The following CNTNAP2 variants were observed in gnomAD, a reference collection of about 807,000 sequenced individuals.
The protein encoded by CNTNAP2 is contactin associated protein 2.
A neutral mutation model predicts 155.2 loss-of-function variants in CNTNAP2; 98 were observed. That is an observed-to-expected ratio of 0.63 (90% CI 0.54 to 0.75). CNTNAP2 has a LOEUF of 0.75. Ranked by LOEUF, CNTNAP2 falls within the 30% of genes least tolerant of loss-of-function variation. The pLI, the probability that CNTNAP2 is intolerant of heterozygous loss-of-function variation, is 0.00. For synonymous variants in CNTNAP2, 651 were observed against 631.2 expected, an observed-to-expected ratio of 1.03 and a Z score of -0.47; for missense variants, 1,727 against 1,688.1, an observed-to-expected ratio of 1.02 and a Z score of -0.40.
At chr7:146,916,869 G>T (rs977965866) in intron 3 of CNTNAP2, among the ~76,000 whole-genome samples, 11 of 152,036 alleles carry the variant, frequency 7.2e-5, no homozygotes, top group African/African-American at 2.4e-4. Context: ...GTTTGGGTTT[G>T]GTTTGTTCTT....
chr7:147,625,966 T>A (rs145756459), intron 12 of CNTNAP2, among the ~76,000 whole-genome samples: 2 of 152,078 alleles, frequency 1.3e-5, no homozygotes, highest in Non-Finnish European at 2.9e-5. Context: ...ACATGAAATA[T>A]AAAAGTAGAA....
intron 13 of CNTNAP2, among the ~76,000 whole-genome samples, chr7:147,654,247 G>T (rs1240437715): frequency 6.6e-6 from 1 of 152,068 alleles, no homozygotes; most frequent in Non-Finnish European, 1.5e-5. Flanking sequence ...ATGGCCAAAA[G>T]GTAGATTAAT....
chr7:146,190,287 G>A (rs7811486), intron 1 of CNTNAP2, among the ~76,000 whole-genome samples: 44,006 of 152,094 alleles, frequency 0.29, 7,210 homozygotes, highest in African/African-American at 0.44. Context: ...CTCTTTCCCT[G>A]TTCTGGGCTT....
chr7:146,732,643 C>G (rs1801545867), intron 1 of CNTNAP2, among the ~76,000 whole-genome samples: 1 of 152,050 alleles, frequency 6.6e-6, no homozygotes, highest in African/African-American at 2.4e-5. Flanking sequence ...GGCCATCATA[C>G]CAAAAAGAAA....
chr7:147,093,544 T>C (rs954669634), intron 4 of CNTNAP2, among the ~76,000 whole-genome samples: 1 of 152,120 alleles, frequency 6.6e-6, no homozygotes, highest in Non-Finnish European at 1.5e-5. Flanking sequence ...CTAGGGGAAG[T>C]ATAGGTTTAG....
In CNTNAP2 at chr7:146,364,334, C is replaced by T. The variant is rs556054024; in HGVS notation, c.97+247361C>T. On this transcript the variant is annotated intron_variant, in intron 1 of 23. Transcript: ENST00000361727. ...GTTATTGACCAGTCAATTTGAAGCC[C>T]GGAGAACTAAGGCTGACTTACAGAG... 8.7e-4 allele frequency among the ~76,000 whole-genome samples: 133 copies of T among 152,138 alleles called. 1 individual carries two copies. The Middle Eastern group carries it at 0.01, about 12-fold the overall frequency.
At chr7:146,949,848 A>T (rs1219051482) in intron 3 of CNTNAP2, among the ~76,000 whole-genome samples, 3 of 152,162 alleles carry the variant, frequency 2.0e-5, no homozygotes, top group African/African-American at 4.8e-5. Flanking sequence ...ATGGTGAAGG[A>T]TATGAGCACA....
At chr7:147,436,680 G>T (rs909283596) in intron 10 of CNTNAP2, among the ~76,000 whole-genome samples, 1 of 152,132 alleles carries the variant, frequency 6.6e-6, no homozygotes, top group African/African-American at 2.4e-5. Context: ...TTTAAGAGCT[G>T]GGATGGGAGA....
At chr7:147,947,402 G>A (rs1394520420) in intron 14 of CNTNAP2, among the ~76,000 whole-genome samples, 1 of 141,418 alleles carries the variant, frequency 7.1e-6, no homozygotes, top group Admixed American at 7.8e-5. Flanking sequence ...AGGATTGCTT[G>A]AGCCCAGGAG....
chr7:146,887,342 G>GT (rs112134065), intron 3 of CNTNAP2, among the ~76,000 whole-genome samples: 282 of 151,690 alleles, frequency 1.9e-3, no homozygotes, highest in African/African-American at 5.1e-3. Context: ...GTTTTGTTTT[G>GT]TTTTTTTGTA....
In CNTNAP2 at chr7:147,395,956, T is replaced by A. The variant is rs116178402; in HGVS notation, c.1670+176T>A. ...GTGATATTAGCAGTGATTATGTTTA[T>A]GTTTTTATGTGGATATATATATCAT... On this transcript the variant is annotated intron_variant, in intron 10 of 23. Coordinates refer to ENST00000361727, the MANE Select transcript of CNTNAP2 (RefSeq NM_014141.6). Among the ~76,000 whole-genome samples, 1,299 of 150,634 alleles carry A rather than the reference T, an allele frequency of 8.6e-3. 22 individuals are homozygous for A. Among genetic ancestry groups the A allele is most frequent in the African/African-American group, 0.03 (1,245 of 41,222 alleles).
At position 147,796,005 on chromosome 7, in the gene CNTNAP2, T is replaced by C. The variant is rs939258594; in HGVS notation, c.2099-107560T>C. On this transcript the variant is annotated intron_variant, in intron 13 of 23. Coordinates refer to ENST00000361727, the MANE Select transcript of CNTNAP2 (RefSeq NM_014141.6). ...ATAGGATTTAACTAGATCCACAATATAGTAAAATAATTATTTGGCCCAAAC... is the reference window on the plus strand; with the variant it reads ...ATAGGATTTAACTAGATCCACAATACAGTAAAATAATTATTTGGCCCAAAC... Among the ~76,000 whole-genome samples the C allele has an allele frequency of 5.9e-5, 9 of 152,214 alleles. No individual in the cohort carries two copies. In the South Asian group the frequency reaches 6.2e-4, roughly 11 times the overall value.
chr7:148,245,950 G>C (rs994056214), intron 20 of CNTNAP2, among the ~76,000 whole-genome samples: 2 of 152,080 alleles, frequency 1.3e-5, no homozygotes, highest in Non-Finnish European at 2.9e-5. Flanking sequence ...TTCTACTTCT[G>C]GAACGAGCTC....
intron 9 of CNTNAP2, among the ~76,000 whole-genome samples, chr7:147,349,509 C>G (rs1206919045): frequency 6.6e-6 from 1 of 151,754 alleles, no homozygotes. Flanking sequence ...TTTTATGACA[C>G]TTGGATTCCA....
At chr7:148,177,356 G>A (rs140318307) in intron 18 of CNTNAP2, among the ~76,000 whole-genome samples, 1,641 of 152,252 alleles carry the variant, frequency 0.011, 19 homozygotes, top group Middle Eastern at 0.02. Flanking sequence ...GAAGACGGAG[G>A]CAGAGATCGG....
At chr7:146,185,369 A>C (rs1272327881) in intron 1 of CNTNAP2, among the ~76,000 whole-genome samples, 3 of 152,128 alleles carry the variant, frequency 2.0e-5, no homozygotes, top group Non-Finnish European at 4.4e-5. Flanking sequence ...TGGCTCTTTC[A>C]TCCTACCATG....
intron 12 of CNTNAP2, among the ~76,000 whole-genome samples, chr7:147,610,013 A>C (rs974047467): frequency 8.5e-5 from 13 of 152,062 alleles, no homozygotes; most frequent in African/African-American, 3.1e-4. Flanking sequence ...GGGTGAGGAC[A>C]ATCAGTGTGT....
chr7:146,443,479 A>G (rs1796357520), intron 1 of CNTNAP2, among the ~76,000 whole-genome samples: 1 of 152,184 alleles, frequency 6.6e-6, no homozygotes, highest in African/African-American at 2.4e-5. Flanking sequence ...CCTGAGATAC[A>G]GAGTGAGAAG....
At chr7:147,124,293 C>T (rs1019930177) in intron 6 of CNTNAP2, among the ~76,000 whole-genome samples, 2 of 152,158 alleles carry the variant, frequency 1.3e-5, no homozygotes, top group Non-Finnish European at 1.5e-5. Flanking sequence ...GATGCAATGT[C>T]CTGCTTCCCC....
Sources: gnomAD v4.1 joint callset for allele counts (sites outside exome capture counted in the v4.1 genomes callset) on GRCh38, gnomAD v4.1.1 for gene constraint, MANE v1.5 for transcripts, NCBI Gene and HGNC (gene_info 2026-07-23, HGNC 2026-07-21) for gene names.